NR3C2: variants seen among roughly 807,000 people sequenced by gnomAD.
The protein encoded by NR3C2 is nuclear receptor subfamily 3 group C member 2, also known as mineralocorticoid receptor.
In NR3C2, 15 loss-of-function variants were observed where a neutral mutation model predicts 86.4. The ratio of observed to expected loss-of-function variants is 0.17; its 90% confidence interval spans 0.12 to 0.27. The LOEUF is 0.27. Among genes scored for constraint, NR3C2 ranks in the 10% least tolerant of loss-of-function variants. The pLI is 1.00. For missense variants in NR3C2, 960 were observed against 1,195.6 expected, an observed-to-expected ratio of 0.80 and a Z score of 2.91; for synonymous variants, 458 against 450.5, an observed-to-expected ratio of 1.02 and a Z score of -0.21.
At chr4:148,149,718 T>C (rs1463156176) in intron 6 of NR3C2, among the ~76,000 whole-genome samples, 2 of 152,034 alleles carry the variant, frequency 1.3e-5, no homozygotes, top group African/African-American at 4.8e-5. Flanking sequence ...CAAAAAGACA[T>C]ACAATCCAAT....
intron 4 of NR3C2, among the ~76,000 whole-genome samples, chr4:148,168,517 G>A (rs1734982678): frequency 1.3e-5 from 2 of 152,230 alleles, no homozygotes; most frequent in African/African-American, 4.8e-5. Flanking sequence ...TGGCCTGTTA[G>A]CGGTGTCAGC....
chr4:148,442,754 G>C (rs957329509), upstream of NR3C2: 12 of 985,304 alleles, frequency 1.2e-5, no homozygotes, highest in African/African-American at 1.4e-4. Context: ...AGCTTGGGGT[G>C]CCGGGCGGTG....
chr4:148,338,943 C>T (rs1744623130), intron 2 of NR3C2, among the ~76,000 whole-genome samples: 1 of 152,172 alleles, frequency 6.6e-6, no homozygotes, highest in African/African-American at 2.4e-5. Context: ...TCAATAACAT[C>T]CCTTTTGCAG....
At chr4:148,372,153 G>A (rs1746453559) in intron 2 of NR3C2, among the ~76,000 whole-genome samples, 1 of 152,060 alleles carries the variant, frequency 6.6e-6, no homozygotes, top group Admixed American at 6.6e-5. Flanking sequence ...TGTATTTAAA[G>A]TAAGTTCTAT....
chr4:148,247,492 C>G (rs575387379), intron 3 of NR3C2, among the ~76,000 whole-genome samples: 1 of 151,998 alleles, frequency 6.6e-6, no homozygotes, highest in Admixed American at 6.6e-5. Context: ...TATTGCTTTA[C>G]TGAAAAAGAC....
chr4:148,210,693 T>C (rs894931804), intron 3 of NR3C2, among the ~76,000 whole-genome samples: 5 of 152,234 alleles, frequency 3.3e-5, no homozygotes, highest in African/African-American at 7.2e-5. Context: ...ATATTGCTGG[T>C]TTGCCAATAA....
At chr4:148,145,362 A>C (rs942406546) in intron 6 of NR3C2, among the ~76,000 whole-genome samples, 1 of 152,220 alleles carries the variant, frequency 6.6e-6, no homozygotes, top group Non-Finnish European at 1.5e-5. Flanking sequence ...TCAGGGGAGA[A>C]GGGACGCAAT....
chr4:148,260,649 A>G (rs1740052141), intron 2 of NR3C2, among the ~76,000 whole-genome samples: 1 of 152,124 alleles, frequency 6.6e-6, no homozygotes. Context: ...AAGCTCCCGC[A>G]TTTTTTCATG....
At chr4:148,118,310 A>C (rs1200739228) in intron 7 of NR3C2, among the ~76,000 whole-genome samples, 1 of 152,124 alleles carries the variant, frequency 6.6e-6, no homozygotes, top group Non-Finnish European at 1.5e-5. Flanking sequence ...GGTCAACTCC[A>C]GTGGCCTTCT....
chr4:148,291,125 T>C (rs1188190057), intron 2 of NR3C2, among the ~76,000 whole-genome samples: 2 of 152,150 alleles, frequency 1.3e-5, no homozygotes, highest in African/African-American at 4.8e-5. Flanking sequence ...ATTCCACTTG[T>C]TACTTAAAAT....
chr4:148,443,009 G>A (rs953792171), upstream of NR3C2: 29 of 984,190 alleles, frequency 2.9e-5, no homozygotes, highest in East Asian at 1.1e-4. Flanking sequence ...TCCGCGCGCG[G>A]GGAGGACTCT....
At chr4:148,194,924 G>A in intron 3 of NR3C2, 62 bp from the exon 4 acceptor site, 1 of 1,143,752 alleles carries the variant, frequency 8.7e-7, no homozygotes, top group East Asian at 2.3e-5. Flanking sequence ...ACATTAATAT[G>A]TATACTCAGA....
chr4:148,290,970 T>C (rs1741770409), intron 2 of NR3C2, among the ~76,000 whole-genome samples: 1 of 152,290 alleles, frequency 6.6e-6, no homozygotes, highest in East Asian at 1.9e-4. Flanking sequence ...TTATCTGTTA[T>C]CTATTTCCTT....
chr4:148,334,805 C>T (rs974733196), intron 2 of NR3C2, among the ~76,000 whole-genome samples: 1 of 152,154 alleles, frequency 6.6e-6, no homozygotes, highest in Admixed American at 6.5e-5. Context: ...ACTTTAGAGG[C>T]TAGAAGTCCG....
At chr4:148,279,288 C>T (rs779099516) in intron 2 of NR3C2, among the ~76,000 whole-genome samples, 5 of 152,118 alleles carry the variant, frequency 3.3e-5, no homozygotes, top group Non-Finnish European at 7.3e-5. Flanking sequence ...TTCACCCTAA[C>T]ATGTGGAGGA....
At chr4:148,191,856 C>G (rs576522046) in intron 4 of NR3C2, among the ~76,000 whole-genome samples, 75 of 152,276 alleles carry the variant, frequency 4.9e-4, no homozygotes, top group African/African-American at 1.7e-3. Context: ...TTTCTTTAAG[C>G]TATCTATTTC....
At chr4:148,206,913 A>G (rs918590611) in intron 3 of NR3C2, among the ~76,000 whole-genome samples, 1 of 152,082 alleles carries the variant, frequency 6.6e-6, no homozygotes, top group Non-Finnish European at 1.5e-5. Flanking sequence ...TCTTATGTTT[A>G]ATGTTTATGA....
At chr4:148,380,331 A>C (rs1032332024) in intron 2 of NR3C2, among the ~76,000 whole-genome samples, 1 of 152,226 alleles carries the variant, frequency 6.6e-6, no homozygotes. Context: ...CCACTCTTAA[A>C]GAGAAGCCAC....
chr4:148,373,321 C>T (rs1250440218), intron 2 of NR3C2, among the ~76,000 whole-genome samples: 1 of 152,076 alleles, frequency 6.6e-6, no homozygotes, highest in Non-Finnish European at 1.5e-5. Context: ...TCCATTGTTC[C>T]ATCTACATCA....
Sources: allele counts gnomAD v4.1 joint callset (sites outside exome capture counted in the v4.1 genomes callset), GRCh38; gene constraint gnomAD v4.1.1; transcripts MANE v1.5; gene names NCBI Gene and HGNC (gene_info 2026-07-23, HGNC 2026-07-21).